Variants in PEX5L observed in about 807,000 individuals in gnomAD.
PEX5L encodes PEX5-related protein.
A neutral mutation model predicts 84.0 loss-of-function variants in PEX5L; 30 were observed. The observed-to-expected ratio is 0.36, with a 90% CI of 0.27 to 0.48. The LOEUF (loss-of-function observed/expected upper bound fraction) is 0.48, where lower values mean the gene tolerates loss of function less well. Ranked by LOEUF, PEX5L falls within the 20% of genes least tolerant of loss-of-function variation. The probability of loss-of-function intolerance (pLI) is 0.99; values close to 1 mark genes in which losing one functional copy is unlikely to be tolerated. For synonymous variants in PEX5L, 270 were observed against 283.1 expected (o/e 0.95, Z 0.46); for missense variants, 533 against 754.6 (o/e 0.71, Z 3.44).
intron 4 of PEX5L, among the ~76,000 whole-genome samples, chr3:179,882,022 A>G (rs1398465863): frequency 6.6e-6 from 1 of 152,250 alleles, no homozygotes; most frequent in African/African-American, 2.4e-5. Context: ...CTCACATTTT[A>G]TATCCACTGA....
At chr3:179,887,832 A>G (rs1756382564) in intron 3 of PEX5L, 48 bp from the exon 4 acceptor site, 2 of 1,225,402 alleles carry the variant, frequency 1.6e-6, no homozygotes, top group East Asian at 2.3e-5. Flanking sequence ...TAAACTGCAG[A>G]GTCAGATGAA....
chr3:179,990,307 A>T (rs1019210171), intron 1 of PEX5L, among the ~76,000 whole-genome samples: 1 of 152,184 alleles, frequency 6.6e-6, no homozygotes, highest in African/African-American at 2.4e-5. Flanking sequence ...ATCTTGGCCC[A>T]TGTCTTTCTT....
rs34102436 is a variant in PEX5L at position 179,971,627 on chromosome 3, A to G, written c.60T>C (p.Asp20=). The part of the protein sequence containing the change: ...KEQGYGKLSS[D]EDLEIIVDQK... Reference sequence around the variant, plus strand: ...GATCAACAATTATTTCGAGGTCTTCATCACTGCTTAGTTTTCCATATCCTT... The same window carrying G: ...GATCAACAATTATTTCGAGGTCTTCGTCACTGCTTAGTTTTCCATATCCTT... The change falls in exon 2 of 15, where the codon GAT becomes GAC. Residue 20 remains aspartate, a synonymous_variant. Coordinates refer to ENST00000467460, the MANE Select transcript of PEX5L (RefSeq NM_016559.3). 2.0e-4 allele frequency: 328 copies of G among 1,609,166 alleles called. No homozygotes were observed. In the African/African-American group the frequency reaches 3.9e-3, roughly 19 times the overall value.
chr3:179,868,042 C>T (rs142608609), intron 7 of PEX5L, among the ~76,000 whole-genome samples: 66 of 116,372 alleles, frequency 5.7e-4, no homozygotes, highest in Non-Finnish European at 8.0e-4. Flanking sequence ...TCTTCTTCTT[C>T]TTTTTTTTTT....
chr3:180,033,432 A>T (rs1456791088), intron 1 of PEX5L, among the ~76,000 whole-genome samples: 1 of 152,204 alleles, frequency 6.6e-6, no homozygotes, highest in East Asian at 1.9e-4. Flanking sequence ...ATTCTTCAAT[A>T]ACAATTCAAA....
rs1182758489 is a variant in PEX5L, at chr3:180,004,999, G to A, written c.21+31580C>T. On this transcript the variant is annotated intron_variant, in intron 1 of 14. Transcript: ENST00000467460. ...AAGTAACTTCACAAAATATGTCAGAGGTTTTAAATATATTTAAAAATTGAA... is the reference window on the plus strand; with the variant it reads ...AAGTAACTTCACAAAATATGTCAGAAGTTTTAAATATATTTAAAAATTGAA... Among the ~76,000 whole-genome samples, 3 of 152,110 alleles carry A rather than the reference G, an allele frequency of 2.0e-5. No homozygotes were observed. In the East Asian group the frequency reaches 5.8e-4, roughly 29 times the overall value.
Position 179,860,840 on chromosome 3 carries a change from G to A in PEX5L, c.727-1683C>T, listed in dbSNP as rs560840442. Reference sequence around the variant, plus strand: ...TAATTCGCTTGCCCAAAGTTATACAGCTAGTAAGTGGCAGGGCTGGTACTT... The same window carrying A: ...TAATTCGCTTGCCCAAAGTTATACAACTAGTAAGTGGCAGGGCTGGTACTT... On this transcript the variant is annotated intron_variant, in intron 7 of 14. Transcript: ENST00000467460. 2.0e-5 allele frequency among the ~76,000 whole-genome samples: 3 copies of A among 152,300 alleles called. No homozygotes were observed. In the South Asian group the frequency reaches 6.2e-4, roughly 32 times the overall value.
intron 1 of PEX5L, among the ~76,000 whole-genome samples, chr3:179,996,205 G>A (rs970465432): frequency 6.6e-6 from 1 of 152,138 alleles, no homozygotes; most frequent in South Asian, 2.1e-4. Flanking sequence ...AGGTGAGGGT[G>A]AGGAGGTGTG....
intron 2 of PEX5L, among the ~76,000 whole-genome samples, chr3:179,917,266 C>T (rs116731262): frequency 0.013 from 1,939 of 152,068 alleles, 44 homozygotes; most frequent in African/African-American, 0.044. Flanking sequence ...GATCTGTCAT[C>T]TATGATAAAA....
intron 8 of PEX5L, among the ~76,000 whole-genome samples, chr3:179,847,229 G>T (rs931353708): frequency 1.1e-4 from 17 of 151,800 alleles, no homozygotes; most frequent in African/African-American, 4.1e-4. Context: ...TTTATATATA[G>T]ATATCTGTAT....
At chr3:180,026,579 A>T (rs1790976624) in intron 1 of PEX5L, among the ~76,000 whole-genome samples, 1 of 152,212 alleles carries the variant, frequency 6.6e-6, no homozygotes. Flanking sequence ...CTCAAAAAGG[A>T]GTGAGCAGTA....
At chr3:179,967,081 G>T (rs1414149754) in intron 2 of PEX5L, among the ~76,000 whole-genome samples, 2 of 152,168 alleles carry the variant, frequency 1.3e-5, no homozygotes, top group East Asian at 1.9e-4. Flanking sequence ...TCCTGTGAGG[G>T]TTCAATAAAT....
intron 7 of PEX5L, among the ~76,000 whole-genome samples, chr3:179,868,697 T>C (rs940747626): frequency 6.6e-6 from 1 of 152,142 alleles, no homozygotes; most frequent in Non-Finnish European, 1.5e-5. Flanking sequence ...ATTTACCAGC[T>C]ATTCTCTCTG....
At chr3:179,828,008 C>T (rs537373852) in intron 8 of PEX5L, among the ~76,000 whole-genome samples, 2 of 152,246 alleles carry the variant, frequency 1.3e-5, no homozygotes, top group South Asian at 4.2e-4. Context: ...ATTGCCTCTA[C>T]ATCTGACCAA....
chr3:179,956,327 T>C (rs1780544916), intron 2 of PEX5L, among the ~76,000 whole-genome samples: 2 of 152,170 alleles, frequency 1.3e-5, no homozygotes, highest in South Asian at 2.1e-4. Flanking sequence ...CTAGGAAAAA[T>C]GGTAAAATCT....
Position 179,933,426 on chromosome 3 carries a change from T to C in PEX5L, c.94-35180A>G, listed in dbSNP as rs1215043607. Among the ~76,000 whole-genome samples, 4 of 147,280 alleles carry C rather than the reference T, an allele frequency of 2.7e-5. No individual in the cohort carries two copies. The Admixed American group carries it at 2.7e-4, about 10-fold the overall frequency. On this transcript the variant is annotated intron_variant, in intron 2 of 14. Coordinates refer to ENST00000467460, the MANE Select transcript of PEX5L (RefSeq NM_016559.3). ...TCCTAGATGAAGTGACTGGAGATAATGGAGTCATATACAATTCTCTTTTTT... is the reference window on the plus strand; with the variant it reads ...TCCTAGATGAAGTGACTGGAGATAACGGAGTCATATACAATTCTCTTTTTT...
chr3:179,832,601 TACCTACCC>T (rs1219221574), intron 8 of PEX5L, among the ~76,000 whole-genome samples: 108 of 134,528 alleles, frequency 8.0e-4, no homozygotes, highest in South Asian at 1.2e-3. Context: ...CCCACCCACC[TACCTACCC>T]ACCTACCCAC....
chr3:179,935,765 G>A (rs1279539507), intron 2 of PEX5L, among the ~76,000 whole-genome samples: 4 of 151,968 alleles, frequency 2.6e-5, no homozygotes, highest in African/African-American at 7.3e-5. Context: ...CTGATGGGAG[G>A]CATCTGGACC....
chr3:179,830,294 C>CT (rs1553845041), intron 8 of PEX5L, among the ~76,000 whole-genome samples: 9 of 142,948 alleles, frequency 6.3e-5, no homozygotes, highest in East Asian at 4.2e-4. Context: ...CGCCCCCCCC[C>CT]TTTTTTTTAT....
Sources: gnomAD v4.1 joint callset for allele counts (sites outside exome capture counted in the v4.1 genomes callset) on GRCh38, gnomAD v4.1.1 for gene constraint, MANE v1.5 for transcripts, NCBI Gene and HGNC (gene_info 2026-07-23, HGNC 2026-07-21) for gene names.